FYB1: variants seen among roughly 807,000 people sequenced by gnomAD.
The protein encoded by FYB1 is FYN binding protein 1.
In FYB1, 41 loss-of-function variants were observed where a neutral mutation model predicts 94.1. The observed-to-expected ratio is 0.44, with a 90% confidence interval of 0.34 to 0.57. The LOEUF (loss-of-function observed/expected upper bound fraction) is 0.57. Ranked by LOEUF, FYB1 falls within the 20% of genes least tolerant of loss-of-function variation. The pLI is 0.02. For synonymous variants in FYB1, 367 were observed against 353.2 expected, an observed-to-expected ratio of 1.04 and a Z score of -0.44; for missense variants, 1,050 against 976.8, an observed-to-expected ratio of 1.07 and a Z score of -1.00.
chr5:39,159,280 C>A (rs1744034450), intron 2 of FYB1, among the ~76,000 whole-genome samples: 1 of 152,152 alleles, frequency 6.6e-6, no homozygotes, highest in East Asian at 1.9e-4. Context: ...TTTATTTTCT[C>A]TGGGCCAGTA....
chr5:39,203,611 ATTATT>A (rs373921387), intron 1 of FYB1, among the ~76,000 whole-genome samples: 71 of 152,184 alleles, frequency 4.7e-4, no homozygotes, highest in African/African-American at 1.5e-3. Flanking sequence ...CTTATTTGTA[ATTATT>A]TAGCACTAAA....
intron 1 of FYB1, among the ~76,000 whole-genome samples, chr5:39,241,424 G>C (rs981656421): frequency 6.6e-6 from 1 of 152,102 alleles, no homozygotes; most frequent in Admixed American, 6.6e-5. Flanking sequence ...TCAGTTCTAC[G>C]CCCTGATTCT....
chr5:39,137,532 G>C, intron 7 of FYB1, 68 bp downstream of exon 7: 1 of 1,485,654 alleles, frequency 6.7e-7, no homozygotes, highest in Non-Finnish European at 8.9e-7. Flanking sequence ...TTTCAAGAAT[G>C]GTACCCCTTT....
intron 3 of FYB1, among the ~76,000 whole-genome samples, chr5:39,148,726 A>C (rs1433605579): frequency 6.6e-6 from 1 of 152,116 alleles, no homozygotes; most frequent in Non-Finnish European, 1.5e-5. Context: ...AAACACACAC[A>C]TAAACAGAAA....
chr5:39,219,607 T>C (rs1314630852), upstream of FYB1: 3 of 985,116 alleles, frequency 3.0e-6, no homozygotes, highest in African/African-American at 5.3e-5. Flanking sequence ...GGTCAGTGGT[T>C]GAGTGAGCCA....
chr5:39,216,264 G>A (rs1365032988), intron 1 of FYB1, among the ~76,000 whole-genome samples: 3 of 152,120 alleles, frequency 2.0e-5, no homozygotes, highest in Non-Finnish European at 4.4e-5. Flanking sequence ...TTTCGTGTGT[G>A]TGTATAATAC....
intron 16 of FYB1, among the ~76,000 whole-genome samples, chr5:39,115,590 G>A (rs1739489948): frequency 6.6e-6 from 1 of 152,078 alleles, no homozygotes; most frequent in African/African-American, 2.4e-5. Context: ...TAAGGGCAAA[G>A]ATAGACATAT....
At chr5:39,246,439 A>G (rs1751481391) in intron 1 of FYB1, among the ~76,000 whole-genome samples, 1 of 152,194 alleles carries the variant, frequency 6.6e-6, no homozygotes, top group African/African-American at 2.4e-5. Context: ...TCCTGTCATA[A>G]GGATAATTTG....
intron 2 of FYB1, among the ~76,000 whole-genome samples, chr5:39,168,913 G>T (rs573266383): frequency 8.6e-5 from 13 of 152,032 alleles, no homozygotes; most frequent in South Asian, 2.1e-4. Context: ...CATATAGATG[G>T]TCTGTACAGA....
intron 2 of FYB1, among the ~76,000 whole-genome samples, chr5:39,188,303 C>T (rs1181175698): frequency 6.6e-6 from 1 of 152,194 alleles, no homozygotes; most frequent in Non-Finnish European, 1.5e-5. Context: ...TTTTCAAGAA[C>T]AACCACAGAC....
At chr5:39,240,129 G>T (rs1356898705) in intron 1 of FYB1, among the ~76,000 whole-genome samples, 1 of 152,130 alleles carries the variant, frequency 6.6e-6, no homozygotes. Flanking sequence ...ACATGCAGAA[G>T]ATTGAAGCTG....
At chr5:39,167,216 C>T (rs1038755615) in intron 2 of FYB1, among the ~76,000 whole-genome samples, 3 of 151,984 alleles carry the variant, frequency 2.0e-5, no homozygotes, top group African/African-American at 4.8e-5. Context: ...TGAGATGATG[C>T]GGGGATCAAG....
At chr5:39,210,057 C>T (rs962077809) in intron 1 of FYB1, among the ~76,000 whole-genome samples, 1 of 152,220 alleles carries the variant, frequency 6.6e-6, no homozygotes, top group Non-Finnish European at 1.5e-5. Flanking sequence ...GTTCTTGGGG[C>T]GGGAGCCCTT....
chr5:39,216,877 G>A (rs1749911977), intron 1 of FYB1, among the ~76,000 whole-genome samples: 1 of 152,194 alleles, frequency 6.6e-6, no homozygotes, highest in African/African-American at 2.4e-5. Context: ...CTGCAGCAAC[G>A]TGATTAACAA....
At chr5:39,110,919 C>A in intron 16 of FYB1, 1 of 189,344 alleles carries the variant, frequency 5.3e-6, no homozygotes, top group Non-Finnish European at 1.1e-5. Context: ...TCAAACAGGT[C>A]TCTTTTACTC....
At chr5:39,266,303 T>C (rs1327893887) in intron 1 of FYB1, among the ~76,000 whole-genome samples, 1 of 152,162 alleles carries the variant, frequency 6.6e-6, no homozygotes, top group Non-Finnish European at 1.5e-5. Context: ...GTATCTTGAC[T>C]GAGCCTCTTG....
chr5:39,264,694 C>T (rs1441859729), intron 1 of FYB1, among the ~76,000 whole-genome samples: 7 of 152,136 alleles, frequency 4.6e-5, no homozygotes, highest in African/African-American at 1.7e-4. Context: ...TGTAGCAATG[C>T]TCAACCCTCA....
chr5:39,202,768 C>A lies in FYB1; in HGVS notation c.193G>T (p.Ala65Ser). The change falls in exon 2 of 19, where the codon GCA (alanine) becomes TCA (serine). Residue 65 changes from alanine (A) to serine (S), a missense_variant. By Grantham distance (99) the Ala-to-Ser change is moderately conservative. Coordinates refer to ENST00000512982, the MANE Select transcript of FYB1 (RefSeq NM_001465.6). ...PKFGSPKPPVAVKPSSEEKPD... is the reference protein window; with the variant it reads ...PKFGSPKPPVSVKPSSEEKPD... The stretch of plus-strand genomic sequence containing the variant: ...TTTTCCTCAGAAGAAGGTTTGACTG[C>A]CACAGGTGGCTTTGGGGACCCAAAC... The A allele has an allele frequency of 6.2e-7, 1 of 1,613,902 alleles. No homozygotes were observed. The highest frequency in any genetic ancestry group is 1.1e-5 in the South Asian group (1 of 91,074).
intron 2 of FYB1, among the ~76,000 whole-genome samples, chr5:39,195,905 A>T (rs987114832): frequency 9.9e-5 from 15 of 151,482 alleles, no homozygotes; most frequent in Admixed American, 3.3e-4. Context: ...GGGTTTTTTT[A>T]AAAAAAACGT....
Sources: gnomAD v4.1 joint callset for allele counts (sites outside exome capture counted in the v4.1 genomes callset) on GRCh38, gnomAD v4.1.1 for gene constraint, MANE v1.5 for transcripts, NCBI Gene and HGNC (gene_info 2026-07-23, HGNC 2026-07-21) for gene names.